The following SPTBN1 variants were observed in gnomAD, a reference collection of about 807,000 sequenced individuals.
SPTBN1 encodes spectrin beta chain, non-erythrocytic 1.
A neutral mutation model predicts 266.4 loss-of-function variants in SPTBN1; 32 were observed. That is an observed-to-expected ratio of 0.12 (90% confidence interval 0.09 to 0.16). SPTBN1 has a LOEUF of 0.16. SPTBN1 is among the 10% of genes least tolerant of loss of function. The pLI is 1.00. For missense variants in SPTBN1, 2,296 were observed against 3,067.1 expected (o/e 0.75, Z 5.94); for synonymous variants, 1,336 against 1,162.2 (o/e 1.15, Z -3.04).
intron 29 of SPTBN1, among the ~76,000 whole-genome samples, chr2:54,657,230 G>T (rs1680728747): frequency 6.6e-6 from 1 of 152,234 alleles, no homozygotes; most frequent in Non-Finnish European, 1.5e-5. Flanking sequence ...ACCATCTGTA[G>T]TGTTCCCATA....
Position 54,631,335 on chromosome 2 carries a change from G to A in SPTBN1, c.3288G>A (p.Glu1096=). The A allele has an allele frequency of 6.2e-7, 1 of 1,614,270 alleles. No homozygotes were observed. The highest frequency in any genetic ancestry group is 8.5e-7 in the Non-Finnish European group (1 of 1,180,054). The change falls in exon 16 of 36, where the codon GAG becomes GAA. Residue 1096 remains glutamate, a synonymous_variant. Transcript: ENST00000356805. ...ASEDMPNTLT[E]AEKLLTQHEN... ...AGGACATGCCAAACACCCTGACCGA[G>A]GCTGAGAAGCTGCTCACGCAGCACG...
chr2:54,656,233 C>CT (rs1428152431), intron 29 of SPTBN1, among the ~76,000 whole-genome samples: 1 of 152,124 alleles, frequency 6.6e-6, no homozygotes, highest in African/African-American at 2.4e-5. Flanking sequence ...TTTGGATGTT[C>CT]TTTAGGGATG....
intron 3 of SPTBN1, among the ~76,000 whole-genome samples, chr2:54,600,154 G>A (rs920342757): frequency 6.6e-6 from 1 of 152,232 alleles, no homozygotes; most frequent in African/African-American, 2.4e-5. Context: ...CAGTAGGCCT[G>A]TGTGCAGACC....
At chr2:54,600,405 C>T (rs1676421499) in intron 3 of SPTBN1, among the ~76,000 whole-genome samples, 1 of 152,128 alleles carries the variant, frequency 6.6e-6, no homozygotes, top group African/African-American at 2.4e-5. Context: ...GCCTCATTTT[C>T]TGTGAGGGTT....
chr2:54,496,137 TA>T lies in SPTBN1; in HGVS notation c.-47-30227del, dbSNP rs548959622. ...TTTACTCCCCATATCAGAAATATGT[TA>T]AAAAAAAGTATAAATAGGCCAGGCA... is the stretch of plus-strand genomic sequence containing the variant. On this transcript the variant is annotated intron_variant, in intron 1 of 35. Coordinates refer to ENST00000356805, the MANE Select transcript of SPTBN1 (RefSeq NM_003128.3). Among the ~76,000 whole-genome samples, 85 of 151,788 alleles carry T rather than the reference TA, an allele frequency of 5.6e-4. No homozygotes were observed. In the South Asian group the frequency reaches 0.017, roughly 30 times the overall value.
At chr2:54,559,001 T>TGG in intron 2 of SPTBN1, 1 of 1,268,324 alleles carries the variant, frequency 7.9e-7, no homozygotes, top group Non-Finnish European at 1.1e-6. Flanking sequence ...CCAGACCCTG[T>TGG]GGTTGGCTGC....
chr2:54,469,235 AGAG>A (rs1693793661), intron 1 of SPTBN1, among the ~76,000 whole-genome samples: 1 of 152,128 alleles, frequency 6.6e-6, no homozygotes, highest in African/African-American at 2.4e-5. Flanking sequence ...CTGAAGGAAA[AGAG>A]GGAGTGGGAA....
chr2:54,549,741 C>T (rs567424483), intron 2 of SPTBN1, among the ~76,000 whole-genome samples: 1 of 152,162 alleles, frequency 6.6e-6, no homozygotes, highest in South Asian at 2.1e-4. Flanking sequence ...GGAAGCCTTC[C>T]TAGAGAAGGG....
intron 1 of SPTBN1, among the ~76,000 whole-genome samples, chr2:54,524,834 A>C (rs6761398): frequency 0.8 from 122,353 of 152,154 alleles, 49,729 homozygotes; most frequent in African/African-American, 0.94. Context: ...AAACACTATT[A>C]TTCTTGATCT....
At chr2:54,651,056 T>G (rs568315494) in intron 26 of SPTBN1, among the ~76,000 whole-genome samples, 13 of 152,286 alleles carry the variant, frequency 8.5e-5, no homozygotes, top group Non-Finnish European at 1.6e-4. Context: ...GTGCAAAACA[T>G]ATGACATAGT....
intron 1 of SPTBN1, among the ~76,000 whole-genome samples, chr2:54,503,626 A>G (rs765259132): frequency 1.8e-4 from 27 of 152,214 alleles, no homozygotes; most frequent in Non-Finnish European, 3.1e-4. Flanking sequence ...GGTTTCACAA[A>G]CAGGCCTTTC....
chr2:54,667,838 C>G (rs1681464861), intron 35 of SPTBN1, among the ~76,000 whole-genome samples, 192 bp downstream of exon 35: 2 of 152,176 alleles, frequency 1.3e-5, no homozygotes, highest in Non-Finnish European at 2.9e-5. Context: ...CTCACTGTCC[C>G]TTTGCCGAGG....
intron 1 of SPTBN1, among the ~76,000 whole-genome samples, chr2:54,457,554 A>T (rs1164075220): frequency 2.6e-5 from 4 of 152,044 alleles, no homozygotes; most frequent in African/African-American, 9.7e-5. Context: ...GGTGGGGTTT[A>T]TTTGGGCGGG....
rs759344159 is a variant in SPTBN1 at position 54,649,100 on chromosome 2, C to A, written c.5112C>A (p.Asn1704Lys). 6.2e-7 allele frequency: 1 copy of A among 1,614,124 alleles called. No individual in the cohort carries two copies. Among genetic ancestry groups the A allele is most frequent in the South Asian group, 1.1e-5 (1 of 91,072 alleles). The change falls in exon 25 of 36, where the codon AAC becomes AAA. Residue 1704 changes from asparagine to lysine, a missense_variant. By Grantham distance (94) the Asn-to-Lys change is moderately conservative (BLOSUM62 0). Around this residue, in one of 12 missense-constraint regions of SPTBN1, gnomAD observed 644 missense variants for 745.3 expected, o/e 0.86. Coordinates refer to ENST00000356805, the MANE Select transcript of SPTBN1 (RefSeq NM_003128.3). The surrounding 1 kb of genome is among the most constrained non-coding windows in gnomAD (Gnocchi z 6.7). ...LDERHRLFQL[N>K]REVDDLEQWI... ...AGAGACACAGGTTATTCCAGCTCAA[C>A]CGGGAGGTGGACGACCTGGAGCAGT...
chr2:54,638,910 G>T (rs757301306), intron 18 of SPTBN1, among the ~76,000 whole-genome samples: 12 of 152,186 alleles, frequency 7.9e-5, no homozygotes, highest in Non-Finnish European at 1.3e-4. Flanking sequence ...GTTAGATCAC[G>T]TATGACAGAA....
Position 54,654,094 on chromosome 2 carries a change from C to T in SPTBN1, c.5822+241C>T, listed in dbSNP as rs140135077. On this transcript the variant is annotated intron_variant, in intron 27 of 35. Transcript: ENST00000356805. Reference sequence around the variant, plus strand: ...CAAAGCCTGTCCCATTCTCCCTACTCCTGGCTCCCTTGACCCACAGTCACT... The same window carrying T: ...CAAAGCCTGTCCCATTCTCCCTACTTCTGGCTCCCTTGACCCACAGTCACT... Among the ~76,000 whole-genome samples the T allele has an allele frequency of 6.3e-4, 96 of 152,310 alleles. 1 individual carries two copies. Among genetic ancestry groups the T allele is most frequent in the African/African-American group, 1.8e-3 (76 of 41,560 alleles).
chr2:54,655,664 C>T (rs1353216169), intron 28 of SPTBN1, among the ~76,000 whole-genome samples: 2 of 152,178 alleles, frequency 1.3e-5, no homozygotes, highest in African/African-American at 4.8e-5. Flanking sequence ...ACGTGTTTGC[C>T]GCAGGGAGCC....
At chr2:54,559,984 G>A (rs1673176003) in intron 2 of SPTBN1, among the ~76,000 whole-genome samples, 1 of 152,154 alleles carries the variant, frequency 6.6e-6, no homozygotes, top group Non-Finnish European at 1.5e-5. Flanking sequence ...TCTGGAAAAC[G>A]AGGCAGAACA....
chr2:54,617,406 C>G (rs10172671), intron 5 of SPTBN1, among the ~76,000 whole-genome samples: 5,607 of 152,270 alleles, frequency 0.037, 342 homozygotes, highest in African/African-American at 0.12. Context: ...GCAAGAAAAG[C>G]CACATGGATG....
Sources: allele counts gnomAD v4.1 joint callset (sites outside exome capture counted in the v4.1 genomes callset), GRCh38; gene constraint gnomAD v4.1.1; regional missense constraint gnomAD v4.1.1; non-coding constraint Gnocchi (gnomAD v3.1); transcripts MANE v1.5; gene names NCBI Gene and HGNC (gene_info 2026-07-23, HGNC 2026-07-21).